ZNG1A: variants seen among roughly 807,000 people sequenced by gnomAD.
ZNG1A encodes the protein Zn regulated GTPase metalloprotein activator 1A.
chr9:135,225 A>T, the ZNG1A span, among the ~76,000 whole-genome samples: 2 of 149,570 alleles, frequency 1.3e-5, no homozygotes, highest in African/African-American at 2.5e-5. Context: ...AAATTTCTTT[A>T]AAAAAAACCA....
At chr9:157,755 C>A in the ZNG1A span, among the ~76,000 whole-genome samples, 6,105 of 144,596 alleles carry the variant, frequency 0.042, 156 homozygotes, top group South Asian at 0.076. Context: ...TACAATGCTA[C>A]ACAAATGTCA....
the ZNG1A span, among the ~76,000 whole-genome samples, chr9:128,234 G>A: frequency 6.7e-6 from 1 of 148,840 alleles, no homozygotes; most frequent in Non-Finnish European, 1.5e-5. Flanking sequence ...CTCTAGCAAA[G>A]CTGGGGAAGT....
the ZNG1A span, among the ~76,000 whole-genome samples, chr9:125,128 T>A: frequency 3.3e-5 from 5 of 152,350 alleles, no homozygotes; most frequent in Non-Finnish European, 7.3e-5. Context: ...TTAAGGAATC[T>A]CCACAGTTTT....
the ZNG1A span, among the ~76,000 whole-genome samples, chr9:174,074 G>A: frequency 6.6e-6 from 1 of 150,920 alleles, no homozygotes; most frequent in Non-Finnish European, 1.5e-5. Context: ...GTGAACCCGG[G>A]AGGCGGAGGT....
chr9:153,813 T>C, the ZNG1A span: 4 of 150,380 alleles, frequency 2.7e-5, no homozygotes, highest in East Asian at 7.9e-4. Flanking sequence ...AGATGACAGA[T>C]TCAAAATCTA....
the ZNG1A span, among the ~76,000 whole-genome samples, chr9:137,572 G>A: frequency 6.6e-6 from 1 of 151,970 alleles, no homozygotes; most frequent in South Asian, 2.1e-4. Flanking sequence ...ATGAAGAGCT[G>A]GAACCTTGAA....
the ZNG1A span, among the ~76,000 whole-genome samples, chr9:143,707 G>A: frequency 8.1e-6 from 1 of 123,246 alleles, no homozygotes; most frequent in Non-Finnish European, 1.6e-5. Flanking sequence ...CAATTAGGCA[G>A]GAGAAGGAAA....
the ZNG1A span, among the ~76,000 whole-genome samples, chr9:178,417 T>G: frequency 6.8e-6 from 1 of 146,410 alleles, no homozygotes; most frequent in East Asian, 2.0e-4. Flanking sequence ...AGACGGGACA[T>G]CCTTTAATGG....
At chr9:156,047 G>C in the ZNG1A span, among the ~76,000 whole-genome samples, 1 of 150,792 alleles carries the variant, frequency 6.6e-6, no homozygotes, top group Non-Finnish European at 1.5e-5. Context: ...GGCTGAGGCA[G>C]GAGAATCGCT....
At chr9:140,145 C>T in the ZNG1A span, among the ~76,000 whole-genome samples, 1 of 151,116 alleles carries the variant, frequency 6.6e-6, no homozygotes, top group Non-Finnish European at 1.5e-5. Context: ...GAAGCTCGAA[C>T]TGGGTGGAGC....
the ZNG1A span, among the ~76,000 whole-genome samples, chr9:141,095 G>A: frequency 4.3e-5 from 6 of 139,060 alleles, no homozygotes; most frequent in African/African-American, 1.4e-4. Context: ...AGGGAGAATG[G>A]AACCAAGTTG....
the ZNG1A span, among the ~76,000 whole-genome samples, chr9:124,890 C>T: frequency 6.6e-6 from 1 of 150,966 alleles, no homozygotes. Flanking sequence ...TTAATTCACT[C>T]CTTTTTATGG....
the ZNG1A span, chr9:166,703 A>G: frequency 9.8e-5 from 15 of 152,528 alleles, no homozygotes; most frequent in African/African-American, 3.6e-4. Context: ...GTAGCGCTAA[A>G]GAAACTTAGA....
chr9:136,717 G>A, the ZNG1A span, among the ~76,000 whole-genome samples: 24,500 of 142,792 alleles, frequency 0.17, 2,494 homozygotes, highest in East Asian at 0.42. Context: ...GTAAGCTCTT[G>A]GACCCAACAG....
the ZNG1A span, chr9:147,112 A>C: frequency 7.0e-6 from 1 of 143,776 alleles, no homozygotes; most frequent in Non-Finnish European, 1.5e-5. Context: ...CAGGAAGTGG[A>C]GGTTGCAGTG....
chr9:169,832 C>T, the ZNG1A span, among the ~76,000 whole-genome samples: 1 of 141,874 alleles, frequency 7.0e-6, no homozygotes, highest in Admixed American at 7.0e-5. Context: ...ATTTTATAGA[C>T]TACAGTATAG....
chr9:141,573 G>T, the ZNG1A span, among the ~76,000 whole-genome samples: 1 of 151,390 alleles, frequency 6.6e-6, no homozygotes, highest in Non-Finnish European at 1.5e-5. Context: ...ACCGGTACCA[G>T]CCGCTGCAGA....
chr9:146,361 C>G, the ZNG1A span: 1 of 445,956 alleles, frequency 2.2e-6, no homozygotes, highest in East Asian at 3.6e-5. Context: ...TTAAAACTTT[C>G]AATTATCTTT....
At chr9:175,014 A>G in the ZNG1A span, among the ~76,000 whole-genome samples, 1 of 152,146 alleles carries the variant, frequency 6.6e-6, no homozygotes, top group African/African-American at 2.4e-5. Flanking sequence ...AACTAATAAC[A>G]GAAGCATTTT....
Sources: allele counts gnomAD v4.1 joint callset (sites outside exome capture counted in the v4.1 genomes callset), GRCh38; gene constraint gnomAD v4.1.1; transcripts MANE v1.5; gene names NCBI Gene and HGNC (gene_info 2026-07-23, HGNC 2026-07-21).